NCOA2: variants seen among roughly 807,000 people sequenced by gnomAD.
The protein encoded by NCOA2 is class E basic helix-loop-helix protein 75.
Under a neutral mutation model 145.1 loss-of-function variants are expected in NCOA2, and 21 were observed. The ratio of observed to expected loss-of-function variants is 0.14; its 90% CI spans 0.10 to 0.21. The LOEUF (loss-of-function observed/expected upper bound fraction) is 0.21, where lower values mean the gene tolerates loss of function less well. Among genes scored for constraint, NCOA2 ranks in the 10% least tolerant of loss-of-function variants. NCOA2 has a pLI of 1.00. For missense variants in NCOA2, 1,472 were observed against 1,837.6 expected, an observed-to-expected ratio of 0.80 and a Z score of 3.64; for synonymous variants, 619 against 637.5, an observed-to-expected ratio of 0.97 and a Z score of 0.44.
chr8:70,359,143 G>T (rs1809993997), intron 1 of NCOA2, among the ~76,000 whole-genome samples: 1 of 152,178 alleles, frequency 6.6e-6, no homozygotes, highest in Non-Finnish European at 1.5e-5. Context: ...AATATAAAAT[G>T]GTGCAGCTGC....
chr8:70,122,732 C>T lies in NCOA2; in HGVS notation c.4293+1152G>A, dbSNP rs78018735. On this transcript the variant is annotated intron_variant, in intron 21 of 22. Coordinates refer to ENST00000452400, the MANE Select transcript of NCOA2 (RefSeq NM_006540.4). ...TTTTTATTAATCGTTTTAAATAAAACACGGAAGCTCTGTAATAGTTCTTAA... is the reference window on the plus strand; with the variant it reads ...TTTTTATTAATCGTTTTAAATAAAATACGGAAGCTCTGTAATAGTTCTTAA... 5.6e-3 allele frequency among the ~76,000 whole-genome samples: 858 copies of T among 152,330 alleles called. 34 individuals carry two copies. The East Asian group carries it at 0.099, about 18-fold the overall frequency.
At chr8:70,248,974 A>G (rs1424443311) in intron 2 of NCOA2, among the ~76,000 whole-genome samples, 34 of 152,030 alleles carry the variant, frequency 2.2e-4, no homozygotes, top group Admixed American at 2.2e-3. Context: ...GGAGCTTGTG[A>G]TGAACAGAAT....
the NCOA2 span, among the ~76,000 whole-genome samples, chr8:70,414,864 G>A: frequency 2.6e-5 from 4 of 152,100 alleles, no homozygotes; most frequent in African/African-American, 9.7e-5. Flanking sequence ...TCAAGGACTT[G>A]TTATATTCAT....
chr8:70,243,691 G>A (rs991153875), intron 2 of NCOA2, among the ~76,000 whole-genome samples: 4 of 151,160 alleles, frequency 2.6e-5, no homozygotes, highest in Admixed American at 2.0e-4. Flanking sequence ...CTTTCTGGGC[G>A]GAAAATGGTA....
chr8:70,138,626 A>G (rs762745720), intron 14 of NCOA2, among the ~76,000 whole-genome samples: 2 of 152,252 alleles, frequency 1.3e-5, no homozygotes, highest in African/African-American at 2.4e-5. Flanking sequence ...TATTTACTGT[A>G]CTGGAAATTG....
At chr8:70,176,841 G>C (rs1259758262) in intron 4 of NCOA2, among the ~76,000 whole-genome samples, 2 of 152,102 alleles carry the variant, frequency 1.3e-5, no homozygotes, top group African/African-American at 4.8e-5. Flanking sequence ...CACTCTGTGG[G>C]GTCTTCTTGG....
intron 3 of NCOA2, among the ~76,000 whole-genome samples, chr8:70,216,362 A>C (rs1819616796): frequency 6.6e-6 from 1 of 152,230 alleles, no homozygotes; most frequent in African/African-American, 2.4e-5. Flanking sequence ...AATCCTTTTT[A>C]CTATAGGATC....
chr8:70,208,443 G>C (rs1818690417), intron 4 of NCOA2, among the ~76,000 whole-genome samples: 1 of 152,242 alleles, frequency 6.6e-6, no homozygotes, highest in Non-Finnish European at 1.5e-5. Context: ...GTCTGGCTAA[G>C]ATCATTAATG....
the NCOA2 span, among the ~76,000 whole-genome samples, chr8:70,428,206 T>C: frequency 2.0e-5 from 3 of 151,540 alleles, no homozygotes; most frequent in African/African-American, 7.3e-5. Flanking sequence ...ATAATCCCAG[T>C]GCTTTGAGAA....
chr8:70,322,325 T>C (rs1586486482), intron 1 of NCOA2, among the ~76,000 whole-genome samples: 1 of 152,168 alleles, frequency 6.6e-6, no homozygotes, highest in East Asian at 1.9e-4. Context: ...TATATGTTCA[T>C]TCCTATGATA....
intron 2 of NCOA2, among the ~76,000 whole-genome samples, chr8:70,233,237 A>G (rs1453012526): frequency 2.6e-5 from 4 of 152,030 alleles, no homozygotes; most frequent in African/African-American, 7.3e-5. Context: ...AAAAAAAAAG[A>G]TAATACGTGT....
At chr8:70,398,513 G>A (rs1471351084) in intron 1 of NCOA2, among the ~76,000 whole-genome samples, 1 of 152,106 alleles carries the variant, frequency 6.6e-6, no homozygotes, top group Non-Finnish European at 1.5e-5. Flanking sequence ...GATTTAAGTT[G>A]GCCAGGGGAA....
chr8:70,282,861 A>G (rs969501391), intron 2 of NCOA2, among the ~76,000 whole-genome samples: 3 of 152,184 alleles, frequency 2.0e-5, no homozygotes, highest in African/African-American at 7.2e-5. Flanking sequence ...CTGATGTGCA[A>G]TGACGCTCCA....
chr8:70,172,592 T>C (rs1264165161), intron 5 of NCOA2, among the ~76,000 whole-genome samples: 3 of 152,204 alleles, frequency 2.0e-5, no homozygotes, highest in East Asian at 1.9e-4. Context: ...TGTAAATAAA[T>C]AGCCTTTCAT....
At chr8:70,409,974 C>T in the NCOA2 span, among the ~76,000 whole-genome samples, 8 of 152,264 alleles carry the variant, frequency 5.3e-5, no homozygotes, top group East Asian at 1.9e-4. Context: ...CTTTGGGAGA[C>T]CAAGACAGCC....
chr8:70,360,799 G>A (rs908364149), intron 1 of NCOA2, among the ~76,000 whole-genome samples: 5 of 151,972 alleles, frequency 3.3e-5, no homozygotes, highest in East Asian at 1.9e-4. Flanking sequence ...TGAGCCAGGC[G>A]TGGTAGCCCA....
intron 12 of NCOA2, among the ~76,000 whole-genome samples, chr8:70,148,057 T>C (rs1336381851): frequency 6.6e-6 from 1 of 152,184 alleles, no homozygotes; most frequent in African/African-American, 2.4e-5. Flanking sequence ...CCCTGTCCAG[T>C]GCTGATTAAA....
intron 2 of NCOA2, among the ~76,000 whole-genome samples, chr8:70,248,483 G>A (rs1822806486): frequency 6.6e-6 from 1 of 152,078 alleles, no homozygotes; most frequent in Non-Finnish European, 1.5e-5. Flanking sequence ...CATACAGTAA[G>A]TACTCTATGT....
intron 1 of NCOA2, among the ~76,000 whole-genome samples, chr8:70,344,401 GCCAGC>G (rs1808419997): frequency 6.6e-6 from 1 of 152,232 alleles, no homozygotes; most frequent in Admixed American, 6.5e-5. Flanking sequence ...CTCAGCCCAA[GCCAGC>G]CTTCTGCCTC....
Sources: allele counts gnomAD v4.1 joint callset (sites outside exome capture counted in the v4.1 genomes callset), GRCh38; gene constraint gnomAD v4.1.1; transcripts MANE v1.5; gene names NCBI Gene and HGNC (gene_info 2026-07-23, HGNC 2026-07-21).